Variants in L3MBTL4 observed in about 807,000 individuals in gnomAD.
L3MBTL4 encodes the protein lethal(3)malignant brain tumor-like protein 4.
In L3MBTL4, 70 loss-of-function variants were observed where a neutral mutation model predicts 84.5. The observed-to-expected ratio is 0.83, with a 90% CI of 0.68 to 1.01. The LOEUF is 1.01. Among genes scored for constraint, L3MBTL4 ranks in the 50% least tolerant of loss-of-function variants. The pLI, the probability that L3MBTL4 is intolerant of heterozygous loss-of-function variation, is 0.00. For missense variants in L3MBTL4, 715 were observed against 754.8 expected (o/e 0.95, Z 0.62); for synonymous variants, 274 against 259.8 (o/e 1.05, Z -0.52).
At chr18:6,240,540 C>T (rs1259341057) in intron 8 of L3MBTL4, among the ~76,000 whole-genome samples, 4 of 151,866 alleles carry the variant, frequency 2.6e-5, no homozygotes, top group South Asian at 2.1e-4. Flanking sequence ...CAAACCCACC[C>T]TTCATATATC....
intron 1 of L3MBTL4, among the ~76,000 whole-genome samples, chr18:6,315,580 G>T (rs887489896): frequency 6.6e-6 from 1 of 152,192 alleles, no homozygotes; most frequent in Non-Finnish European, 1.5e-5. Flanking sequence ...TATGCAACAG[G>T]CAAGTAACCA....
intron 1 of L3MBTL4, among the ~76,000 whole-genome samples, chr18:6,381,380 C>T (rs934471875): frequency 1.3e-5 from 2 of 152,128 alleles, no homozygotes; most frequent in African/African-American, 2.4e-5. Context: ...CACTATGATG[C>T]TAGCTGGTTA....
At position 6,234,483 on chromosome 18, in the gene L3MBTL4, A is replaced by C. The variant is rs193006228; in HGVS notation, c.784+3481T>G. Among the ~76,000 whole-genome samples, 146 of 152,334 alleles carry C rather than the reference A, an allele frequency of 9.6e-4. 5 individuals are homozygous for C. The East Asian group carries it at 0.025, about 26-fold the overall frequency. Reference sequence around the variant, plus strand: ...ACAAATTTACAAGAAAAAAACAAACAACCCCATCAAAAAGTGGGCAAAGAA... The same window carrying C: ...ACAAATTTACAAGAAAAAAACAAACCACCCCATCAAAAAGTGGGCAAAGAA... On this transcript the variant is annotated intron_variant, in intron 10 of 18. Coordinates refer to ENST00000317931, the MANE Select transcript of L3MBTL4 (RefSeq NM_001330559.2).
chr18:6,161,680 G>A (rs1260040456), intron 13 of L3MBTL4, among the ~76,000 whole-genome samples: 1 of 152,156 alleles, frequency 6.6e-6, no homozygotes, highest in Non-Finnish European at 1.5e-5. Context: ...CCTCTAGAGA[G>A]GCTGCCACTA....
At chr18:5,989,289 T>C (rs564738735) in intron 16 of L3MBTL4, among the ~76,000 whole-genome samples, 1 of 152,326 alleles carries the variant, frequency 6.6e-6, no homozygotes, top group South Asian at 2.1e-4. Context: ...TGACCAAACA[T>C]GGCCTACAAA....
At chr18:6,355,417 A>G (rs910266316) in intron 1 of L3MBTL4, among the ~76,000 whole-genome samples, 2 of 149,944 alleles carry the variant, frequency 1.3e-5, no homozygotes, top group Admixed American at 6.6e-5. Flanking sequence ...TAAGGCAAGC[A>G]TATTTGTTGA....
At chr18:6,153,136 G>C (rs923655865) in intron 13 of L3MBTL4, among the ~76,000 whole-genome samples, 2 of 152,060 alleles carry the variant, frequency 1.3e-5, no homozygotes, top group African/African-American at 2.4e-5. Flanking sequence ...CTATAGCTTT[G>C]TGCTGTACTT....
intron 16 of L3MBTL4, among the ~76,000 whole-genome samples, chr18:6,046,370 A>C (rs1306481038): frequency 3.3e-5 from 5 of 152,228 alleles, no homozygotes; most frequent in African/African-American, 1.2e-4. Context: ...CTAACAAATA[A>C]ATTCTGGACT....
intron 14 of L3MBTL4, among the ~76,000 whole-genome samples, chr18:6,134,083 T>C (rs2059955831): frequency 6.6e-6 from 1 of 152,088 alleles, no homozygotes; most frequent in African/African-American, 2.4e-5. Flanking sequence ...CTCATATTCA[T>C]GGCAGAGGGT....
chr18:6,041,229 T>C (rs2056384163), intron 16 of L3MBTL4, among the ~76,000 whole-genome samples: 1 of 152,198 alleles, frequency 6.6e-6, no homozygotes, highest in Non-Finnish European at 1.5e-5. Flanking sequence ...TCCCTGCCAT[T>C]GGGCCTGCAG....
chr18:6,233,846 C>T (rs2047099096), intron 10 of L3MBTL4, among the ~76,000 whole-genome samples: 1 of 152,116 alleles, frequency 6.6e-6, no homozygotes, highest in African/African-American at 2.4e-5. Context: ...CAAAAAAGGG[C>T]CTGCATTGTC....
At chr18:6,134,106 T>C (rs1466177419) in intron 14 of L3MBTL4, among the ~76,000 whole-genome samples, 1 of 152,142 alleles carries the variant, frequency 6.6e-6, no homozygotes, top group African/African-American at 2.4e-5. Flanking sequence ...AAGGCACTTC[T>C]TACATGGTGG....
At position 6,239,239 on chromosome 18, in the gene L3MBTL4, G is replaced by T. The variant is rs541867153; in HGVS notation, c.707+479C>A. Among the ~76,000 whole-genome samples, 3 of 150,764 alleles carry T rather than the reference G, an allele frequency of 2.0e-5. No homozygotes were observed. The East Asian group carries it at 5.9e-4, about 30-fold the overall frequency. Reference sequence around the variant, plus strand: ...GCCTGTAGTCCCAGCTACTTGGGAGGCTGAGGCAGGAGAATGGCGTGAACC... The same window carrying T: ...GCCTGTAGTCCCAGCTACTTGGGAGTCTGAGGCAGGAGAATGGCGTGAACC... On this transcript the variant is annotated intron_variant, in intron 9 of 18. Transcript: ENST00000317931.
chr18:6,365,806 A>G (rs1290905047), intron 1 of L3MBTL4, among the ~76,000 whole-genome samples: 1 of 152,256 alleles, frequency 6.6e-6, no homozygotes, highest in Non-Finnish European at 1.5e-5. Context: ...TAGTTCTTCA[A>G]GGGACATTAG....
chr18:5,976,013 C>T (rs2052909977), intron 16 of L3MBTL4, among the ~76,000 whole-genome samples: 1 of 152,222 alleles, frequency 6.6e-6, no homozygotes, highest in African/African-American at 2.4e-5. Flanking sequence ...AGATGAAGCA[C>T]ACAAGAGTCA....
At chr18:6,149,204 C>T (rs111857276) in intron 13 of L3MBTL4, among the ~76,000 whole-genome samples, 44 of 119,500 alleles carry the variant, frequency 3.7e-4, no homozygotes, top group African/African-American at 1.3e-3. Flanking sequence ...CCCCCTCCCC[C>T]CACCCCACAA....
At position 6,414,848 on chromosome 18, in the gene L3MBTL4, G is replaced by C. The variant is rs1457318944; in HGVS notation, c.-138C>G. 1 of 150,590 alleles carries C rather than the reference G, an allele frequency of 6.6e-6. No homozygotes were observed. The highest frequency in any genetic ancestry group is 1.5e-5 in the Non-Finnish European group (1 of 67,546). 9.3% of individuals were successfully genotyped at this position (150,590 alleles called of 1,614,324 possible). A position where few individuals can be genotyped will look rare whatever the true frequency, so the allele number is the denominator to read the frequency against. ...CGCAACGCCGACCGAGCTACAGGCG[G>C]GGGGCGAGTCGGAGCGCGAGGTTCC... On this transcript the variant is annotated 5_prime_UTR_variant, in exon 1 of 19. Transcript: ENST00000317931. This position sits in a 1 kb window ranked among gnomAD's most constrained non-coding sequence, Gnocchi z 5.4.
chr18:6,391,030 A>G (rs1165709889), intron 1 of L3MBTL4, among the ~76,000 whole-genome samples: 4 of 152,038 alleles, frequency 2.6e-5, no homozygotes, highest in Non-Finnish European at 2.9e-5. Context: ...CATAACAAAA[A>G]AAAACAAAAG....
At chr18:6,126,113 C>T (rs866751722) in intron 14 of L3MBTL4, among the ~76,000 whole-genome samples, 2 of 152,058 alleles carry the variant, frequency 1.3e-5, no homozygotes, top group South Asian at 2.1e-4. Flanking sequence ...CCATGAAAAA[C>T]TATATATGTA....
Sources: allele counts gnomAD v4.1 joint callset (sites outside exome capture counted in the v4.1 genomes callset), GRCh38; gene constraint gnomAD v4.1.1; non-coding constraint Gnocchi (gnomAD v3.1); transcripts MANE v1.5; gene names NCBI Gene and HGNC (gene_info 2026-07-23, HGNC 2026-07-21).